The following CD24 variants were observed in gnomAD, a reference collection of about 807,000 sequenced individuals.
CD24 encodes signal transducer CD24.
In CD24, 2 loss-of-function variants were observed where a neutral mutation model predicts 3.6. The ratio of observed to expected loss-of-function variants is 0.56; its 90% CI spans 0.23 to 1.77. The LOEUF is 1.77. CD24 is among the 40% of genes most tolerant of loss of function. CD24 has a pLI of 0.18. For missense variants in CD24, 62 were observed against 93.6 expected (o/e 0.66, Z 1.39); for synonymous variants, 33 against 44.9 (o/e 0.74, Z 1.06).
rs1773062750 is a variant in CD24, at chr6:106,974,692, T to C, written c.-46A>G. The C allele has an allele frequency of 8.8e-6, 13 of 1,482,610 alleles. No homozygotes were observed. In the South Asian group the frequency reaches 1.7e-4, roughly 19 times the overall value. The allele number at this position is 1,482,610 out of a possible 1,614,324, so 91.8% of individuals were successfully genotyped here. A position where few individuals can be genotyped will look rare whatever the true frequency, so the allele number is the denominator to read the frequency against. Reference sequence around the variant, plus strand: ...GCGCGTCTAGCAGGATGCTGGGTGCTTGGAGAACCGCTGGCTCCGGGCGGG... The same window carrying C: ...GCGCGTCTAGCAGGATGCTGGGTGCCTGGAGAACCGCTGGCTCCGGGCGGG... On this transcript the variant is annotated 5_prime_UTR_variant, in exon 1 of 2. Coordinates refer to ENST00000606017, the MANE Select transcript of CD24 (RefSeq NM_001359084.1).
intron 1 of CD24, 102 bp downstream of exon 1, chr6:106,974,476 G>T: frequency 1.6e-6 from 1 of 641,334 alleles, no homozygotes; most frequent in Non-Finnish European, 2.5e-6. Context: ...CCTGTCCGTG[G>T]CCCGAGGCAG....
chr6:106,970,727 G>T lies in CD24; in HGVS notation c.*934C>A, dbSNP rs1385617811. The T allele has an allele frequency of 6.6e-6, 1 of 152,164 alleles. No homozygotes were observed. The highest frequency in any genetic ancestry group is 2.4e-5 in the African/African-American group (1 of 41,422). The allele number at this position is 152,164 out of a possible 1,614,324, so 9.4% of individuals were successfully genotyped here. A position where few individuals can be genotyped will look rare whatever the true frequency, so the allele number is the denominator to read the frequency against. On this transcript the variant is annotated 3_prime_UTR_variant, in exon 2 of 2. Coordinates refer to ENST00000606017, the MANE Select transcript of CD24 (RefSeq NM_001359084.1). ...CTTGGGAGGCTGAGGCAGGAGAATC[G>T]CTTGAGCCCGGGAGGCAAATGGTAC...
intron 1 of CD24, among the ~76,000 whole-genome samples, chr6:106,974,376 G>A (rs1773051589): frequency 2.0e-5 from 3 of 152,204 alleles, no homozygotes; most frequent in Non-Finnish European, 2.9e-5. Context: ...CAGGGCCGTG[G>A]GAGGAGGGGG....
rs1380759992 is a variant in CD24 at position 106,971,189 on chromosome 6, T to C, written c.*472A>G. 1.2e-5 allele frequency: 2 copies of C among 160,682 alleles called. No homozygotes were observed. Among genetic ancestry groups the C allele is most frequent in the African/African-American group, 2.4e-5 (1 of 41,500 alleles). 10.0% of individuals were successfully genotyped at this position (160,682 alleles called of 1,614,324 possible). A position where few individuals can be genotyped will look rare whatever the true frequency, so the allele number is the denominator to read the frequency against. On this transcript the variant is annotated 3_prime_UTR_variant, in exon 2 of 2. Coordinates refer to ENST00000606017, the MANE Select transcript of CD24 (RefSeq NM_001359084.1). ...GAAACAATACGTTGAGGAATTACAG[T>C]AACACCTGGAAGTTCCTTCTCATGT...
intron 1 of CD24, chr6:106,973,859 G>C: frequency 2.5e-6 from 1 of 398,540 alleles, no homozygotes; most frequent in East Asian, 3.6e-5. Context: ...AGCCTGGCGG[G>C]GACTCGGGAC....
intron 1 of CD24, chr6:106,973,992 A>T (rs1328590163): frequency 2.5e-6 from 1 of 397,916 alleles, no homozygotes; most frequent in Non-Finnish European, 4.4e-6. Context: ...GCGTCAGGAG[A>T]GGGTCCCCGC....
At chr6:106,975,490 C>G (rs1309904897), upstream of CD24, 1 of 152,236 alleles carries the variant, frequency 6.6e-6, no homozygotes, top group African/African-American at 2.4e-5. Context: ...GCGCCCTCCC[C>G]GAAGCCCTTG....
chr6:106,974,606 A>G lies in CD24; in HGVS notation c.41T>C (p.Leu14Pro). ...AMVARLGLGLLLLALLLPTQI... is the reference protein window; with the variant it reads ...AMVARLGLGLPLLALLLPTQI... The stretch of plus-strand genomic sequence containing the variant: ...CGTGGGTAGGAGCAGTGCCAGCAGC[A>G]GCAGCCCCAGCCCGAGCCTGGCCAC... The change falls in exon 1 of 2, where the codon CTG (leucine) becomes CCG (proline). Residue 14 changes from leucine (L) to proline (P), a missense_variant. By Grantham distance (98) the Leu-to-Pro change is moderately conservative. Transcript: ENST00000606017. 1 of 1,460,806 alleles carries G rather than the reference A, an allele frequency of 6.8e-7. No individual in the cohort carries two copies. The highest frequency in any genetic ancestry group is 9.0e-7 in the Non-Finnish European group (1 of 1,114,786). 90.5% of individuals were successfully genotyped at this position (1,460,806 alleles called of 1,614,324 possible).
At chr6:106,974,137 T>C (rs1773043793) in intron 1 of CD24, 1 of 388,864 alleles carries the variant, frequency 2.6e-6, no homozygotes, top group Non-Finnish European at 4.5e-6. Flanking sequence ...TCGCCTCTCT[T>C]TGTGTAGAGC....
chr6:106,974,386 G>A (rs1370360410), intron 1 of CD24, among the ~76,000 whole-genome samples, 192 bp downstream of exon 1: 2 of 152,192 alleles, frequency 1.3e-5, no homozygotes, highest in East Asian at 3.9e-4. Flanking sequence ...GGAGGAGGGG[G>A]GGCAGCACGC....
chr6:106,973,145 G>A (rs1773013701), intron 1 of CD24, among the ~76,000 whole-genome samples: 1 of 152,110 alleles, frequency 6.6e-6, no homozygotes, highest in Non-Finnish European at 1.5e-5. Flanking sequence ...CTTTATTCAT[G>A]CAATGAGTTT....
chr6:106,972,149 G>GGC lies in CD24; in HGVS notation c.70-316_70-315insGC, dbSNP rs1772988117. 7.6e-4 allele frequency among the ~76,000 whole-genome samples: 116 copies of GGC among 152,340 alleles called. 2 individuals carry two copies. The highest frequency in any genetic ancestry group is 2.7e-3 in the African/African-American group (114 of 41,572). On this transcript the variant is annotated intron_variant, in intron 1 of 1. Coordinates refer to ENST00000606017, the MANE Select transcript of CD24 (RefSeq NM_001359084.1). ...CCAGGTTAACTAATTCAGTTTCCAA[G>GGC]ATTATATTGACTTAATGGCATTGCA...
chr6:106,974,018 G>GAA (rs1469016350), intron 1 of CD24: 3 of 397,658 alleles, frequency 7.5e-6, no homozygotes, highest in Non-Finnish European at 1.3e-5. Flanking sequence ...CTTCAGCCCG[G>GAA]AACCGGGGTT....
intron 1 of CD24, among the ~76,000 whole-genome samples, chr6:106,972,355 TA>T (rs1772994041): frequency 6.6e-6 from 1 of 152,244 alleles, no homozygotes; most frequent in African/African-American, 2.4e-5. Flanking sequence ...GCCTTTTCCT[TA>T]AGGGGGAAAT....
chr6:106,976,362 G>A (rs1773108260), upstream of CD24, among the ~76,000 whole-genome samples: 1 of 152,156 alleles, frequency 6.6e-6, no homozygotes, highest in African/African-American at 2.4e-5. Context: ...GTAAGTTTCA[G>A]GGAAGCAAAG....
In CD24 at chr6:106,974,676, G is replaced by A; in HGVS notation, c.-30C>T. ...CCTCCGTCGGTGCGCGGCGCGTCTA[G>A]CAGGATGCTGGGTGCTTGGAGAACC... is the stretch of plus-strand genomic sequence containing the variant. On this transcript the variant is annotated 5_prime_UTR_variant, in exon 1 of 2. Coordinates refer to ENST00000606017, the MANE Select transcript of CD24 (RefSeq NM_001359084.1). 6.7e-7 allele frequency: 1 copy of A among 1,490,498 alleles called. No individual in the cohort carries two copies. The highest frequency in any genetic ancestry group is 8.9e-7 in the Non-Finnish European group (1 of 1,124,766). 92.3% of individuals were successfully genotyped at this position (1,490,498 alleles called of 1,614,324 possible). A position where few individuals can be genotyped will look rare whatever the true frequency, so the allele number is the denominator to read the frequency against.
upstream of CD24, among the ~76,000 whole-genome samples, chr6:106,975,796 A>G (rs1438188797): frequency 5.3e-5 from 8 of 152,026 alleles, no homozygotes; most frequent in African/African-American, 9.7e-5. Flanking sequence ...TCCCACTACA[A>G]TTCACCGTCC....
chr6:106,973,960 A>T, intron 1 of CD24: 1 of 398,384 alleles, frequency 2.5e-6, no homozygotes, highest in Admixed American at 4.4e-5. Flanking sequence ...TGGACGTGAA[A>T]GGTTGCCTCG....
chr6:106,970,426 T>A lies in CD24; in HGVS notation c.*1235A>T, dbSNP rs1407286734. ...TTTATAGTTTTGACTCCTTTACATT[T>A]TTGCCTTCTTAATTTCAAGATTTGC... On this transcript the variant is annotated 3_prime_UTR_variant, in exon 2 of 2. Coordinates refer to ENST00000606017, the MANE Select transcript of CD24 (RefSeq NM_001359084.1). The A allele has an allele frequency of 6.6e-6, 1 of 152,654 alleles. No homozygotes were observed. The highest frequency in any genetic ancestry group is 2.4e-5 in the African/African-American group (1 of 41,456). 9.5% of individuals were successfully genotyped at this position (152,654 alleles called of 1,614,324 possible). A position where few individuals can be genotyped will look rare whatever the true frequency, so the allele number is the denominator to read the frequency against.
Sources: gnomAD v4.1 joint callset for allele counts (sites outside exome capture counted in the v4.1 genomes callset) on GRCh38, gnomAD v4.1.1 for gene constraint, MANE v1.5 for transcripts, NCBI Gene and HGNC (gene_info 2026-07-23, HGNC 2026-07-21) for gene names.